The following EFS variants were observed in gnomAD, a reference collection of about 807,000 sequenced individuals.
EFS encodes the protein Cas scaffolding protein family member 3.
Under a neutral mutation model 42.2 loss-of-function variants are expected in EFS, and 34 were observed. The observed-to-expected ratio is 0.81, with a 90% CI of 0.61 to 1.07. The LOEUF (loss-of-function observed/expected upper bound fraction) is 1.07, where lower values mean the gene tolerates loss of function less well. Among genes scored for constraint, EFS ranks in the 50% least tolerant of loss-of-function variants. The pLI is 0.00. For synonymous variants in EFS, 299 were observed against 320.7 expected (o/e 0.93, Z 0.72); for missense variants, 717 against 729.4 (o/e 0.98, Z 0.20).
chr14:23,364,535 T>C (rs1199275595), intron 1 of EFS, among the ~76,000 whole-genome samples: 2 of 152,170 alleles, frequency 1.3e-5, no homozygotes, highest in Non-Finnish European at 2.9e-5. Flanking sequence ...TCCTTTGCTC[T>C]ATCTCCCTTT....
chr14:23,357,565 G>A lies in EFS; in HGVS notation c.1347C>T (p.Ala449=), dbSNP rs1263327986. ...TCAGGGCTGCCACGGCTGCCTGCAG[G>A]GCTGAGTAGTGGCTCTGGCATTGCC... ...YAGQCQSHYS[A]LQAAVAALMS... is the part of the protein sequence containing the mutation. Residue 449 remains alanine, a synonymous_variant, in exon 6 of 6, where the codon GCC becomes GCT. Coordinates refer to ENST00000216733, the MANE Select transcript of EFS (RefSeq NM_005864.4). 1.9e-6 allele frequency: 3 copies of A among 1,609,964 alleles called. No individual in the cohort carries two copies. In the African/African-American group the frequency reaches 4.0e-5, roughly 21 times the overall value.
At chr14:23,361,950 G>A (rs922200470) in intron 1 of EFS, among the ~76,000 whole-genome samples, 2 of 152,224 alleles carry the variant, frequency 1.3e-5, no homozygotes, top group Non-Finnish European at 2.9e-5. Context: ...ACCCTAAGCT[G>A]CTTGATCCCA....
rs2231802 is a variant in EFS, at chr14:23,360,156, G to A, written c.423C>T (p.Pro141=). ...TAGCCCTCACCTCCAAGGCATCTCTGGGAGCAGCCAGCTGGGTCCCACTAG... is the reference window on the plus strand; with the variant it reads ...TAGCCCTCACCTCCAAGGCATCTCTAGGAGCAGCCAGCTGGGTCCCACTAG... ...PRASGTQLAA[P]RDALEVYDVP... The change falls in exon 3 of 6, where the codon CCC becomes CCT. Residue 141 remains proline, a synonymous_variant. Coordinates refer to ENST00000216733, the MANE Select transcript of EFS (RefSeq NM_005864.4). 12,735 of 1,614,182 alleles carry A rather than the reference G, an allele frequency of 7.9e-3. 67 individuals are homozygous for A. Among genetic ancestry groups the A allele is most frequent in the Middle Eastern group, 0.012 (70 of 6,062 alleles).
chr14:23,359,495 C>T lies in EFS; in HGVS notation c.983G>A (p.Arg328Gln), dbSNP rs113470967. The change falls in exon 4 of 6, where the codon CGG (arginine) becomes CAG (glutamine). Residue 328 changes from arginine to glutamine, a missense_variant. By Grantham distance (43) the Arg-to-Gln change is conservative. Transcript: ENST00000216733. ...PSPVPSPAPG[R>Q]KGSIQDRPLP... ...AGGCCGGTCCTGGATGCTGCCCTTC[C>T]GGCCTGGGGCAGGAGAGGGCACTGG... 8.5e-5 allele frequency: 128 copies of T among 1,500,942 alleles called. 1 individual carries two copies. Among genetic ancestry groups the T allele is most frequent in the Non-Finnish European group, 9.5e-5 (106 of 1,120,826 alleles). The allele number at this position is 1,500,942 out of a possible 1,614,324, so 93.0% of individuals were successfully genotyped here. A position where few individuals can be genotyped will look rare whatever the true frequency, so the allele number is the denominator to read the frequency against.
Position 23,356,510 on chromosome 14 carries a change from G to C in EFS, c.*716C>G, listed in dbSNP as rs908149421. 1 of 152,192 alleles carries C rather than the reference G, an allele frequency of 6.6e-6. No individual in the cohort carries two copies. The highest frequency in any genetic ancestry group is 1.5e-5 in the Non-Finnish European group (1 of 68,050). 9.4% of individuals were successfully genotyped at this position (152,192 alleles called of 1,614,324 possible). On this transcript the variant is annotated 3_prime_UTR_variant, in exon 6 of 6. Coordinates refer to ENST00000216733, the MANE Select transcript of EFS (RefSeq NM_005864.4). ...GCAGAACTGTGCCTGGCGCGTCATG[G>C]GAGCAGAGAACTTGTCCAGTGAATA...
intron 1 of EFS, among the ~76,000 whole-genome samples, chr14:23,363,058 C>T (rs1358828388): frequency 2.6e-5 from 4 of 151,960 alleles, no homozygotes; most frequent in South Asian, 2.1e-4. Flanking sequence ...GGACTACAGG[C>T]GCCCACCACC....
At chr14:23,362,749 T>C (rs1320568286) in intron 1 of EFS, among the ~76,000 whole-genome samples, 1 of 152,150 alleles carries the variant, frequency 6.6e-6, no homozygotes, top group East Asian at 1.9e-4. Context: ...AAATTTTATT[T>C]AAAATATTTC....
chr14:23,364,084 C>T (rs531859758), intron 1 of EFS, among the ~76,000 whole-genome samples: 3 of 152,126 alleles, frequency 2.0e-5, no homozygotes, highest in African/African-American at 7.2e-5. Context: ...AAGCAGGTGA[C>T]GGCCTCGCTT....
chr14:23,364,879 G>A (rs1890269906), intron 1 of EFS, 129 bp downstream of exon 1: 1 of 828,092 alleles, frequency 1.2e-6, no homozygotes. Context: ...GAGAGGAGGG[G>A]GACACAGCCT....
In EFS at chr14:23,359,642, G is replaced by A. The variant is rs371650790; in HGVS notation, c.836C>T (p.Thr279Ile). Residue 279 changes from threonine (T) to isoleucine (I), a missense_variant, in exon 4 of 6, where the codon ACC becomes ATC. Physicochemically the swap from Thr to Ile is moderately conservative, Grantham distance 89. Transcript: ENST00000216733. ...PGALASHDQD[T>I]LAQLLARSPP... ...GCTTCTGGCCAGAAGCTGGGCCAGG[G>A]TGTCCTGGTCATGGGAGGCCAAGGC... is the stretch of plus-strand genomic sequence containing the variant. 33 of 1,508,736 alleles carry A rather than the reference G, an allele frequency of 2.2e-5. No individual in the cohort carries two copies. Among genetic ancestry groups the A allele is most frequent in the Non-Finnish European group, 2.7e-5 (30 of 1,131,386 alleles). 93.5% of individuals were successfully genotyped at this position (1,508,736 alleles called of 1,614,324 possible).
chr14:23,365,007 C>T lies in EFS; in HGVS notation c.18+1G>A. 1 of 1,337,388 alleles carries T rather than the reference C, an allele frequency of 7.5e-7. No homozygotes were observed. Among genetic ancestry groups the T allele is most frequent in the Non-Finnish European group, 9.7e-7 (1 of 1,033,776 alleles). The allele number at this position is 1,337,388 out of a possible 1,614,324, so 82.8% of individuals were successfully genotyped here. On this transcript the variant is annotated splice_donor_variant, in intron 1 of 5. Coordinates refer to ENST00000216733, the MANE Select transcript of EFS (RefSeq NM_005864.4). LOFTEE classifies it high-confidence loss of function. The surrounding 1 kb of genome is among the most constrained non-coding windows in gnomAD (Gnocchi z 5.3). Reference sequence around the variant, plus strand: ...CAGCCTCCACTCCCTGGTGGACTCACCGACGTGGCAATGGCCATGGCTTTG... The same window carrying T: ...CAGCCTCCACTCCCTGGTGGACTCATCGACGTGGCAATGGCCATGGCTTTG...
Position 23,360,039 on chromosome 14 carries a change from C to T in EFS, c.439G>A (p.Val147Ile). The T allele has an allele frequency of 1.9e-6, 3 of 1,613,136 alleles. No individual in the cohort carries two copies. Among genetic ancestry groups the T allele is most frequent in the Non-Finnish European group, 2.5e-6 (3 of 1,179,696 alleles). Reference protein sequence around the residue: ...QLAAPRDALEVYDVPPTALRV... With the variant: ...QLAAPRDALEIYDVPPTALRV... Reference sequence around the variant, plus strand: ...AGGGCGGTGGGGGGCACATCGTAGACCTGCGGAAAGGAGTGGTCAGTCATC... The same window carrying T: ...AGGGCGGTGGGGGGCACATCGTAGATCTGCGGAAAGGAGTGGTCAGTCATC... Residue 147 changes from valine (V) to isoleucine (I), a missense_variant and splice_region_variant, in exon 4 of 6, where the codon GTC (valine) becomes ATC (isoleucine). Val to Ile is a conservative substitution (Grantham distance 29). Coordinates refer to ENST00000216733, the MANE Select transcript of EFS (RefSeq NM_005864.4).
rs762807885 is a variant in EFS, at chr14:23,359,311, G to T, written c.1161+6C>A. ...CCTCCTGGTGGGGCTGCCAAGGGGC[G>T]CTCACCTTCAGGTGGACATAGTCAT... On this transcript the variant is annotated splice_donor_region_variant and intron_variant, in intron 4 of 5. Transcript: ENST00000216733. The T allele has an allele frequency of 1.2e-6, 2 of 1,612,586 alleles. No homozygotes were observed. The highest frequency in any genetic ancestry group is 2.2e-5 in the South Asian group (2 of 91,034).
Position 23,360,050 on chromosome 14 carries a change from G to C in EFS, c.439-11C>G, listed in dbSNP as rs754542665. The C allele has an allele frequency of 1.2e-6, 2 of 1,613,742 alleles. No individual in the cohort carries two copies. The highest frequency in any genetic ancestry group is 1.6e-4 in the Middle Eastern group (1 of 6,062). On this transcript the variant is annotated splice_polypyrimidine_tract_variant and intron_variant, in intron 3 of 5. Transcript: ENST00000216733. ...GGGCACATCGTAGACCTGCGGAAAG[G>C]AGTGGTCAGTCATCTGTCAGCTCAG...
rs913063147 is a variant in EFS, at chr14:23,357,049, A to G, written c.*177T>C. On this transcript the variant is annotated 3_prime_UTR_variant, in exon 6 of 6. Coordinates refer to ENST00000216733, the MANE Select transcript of EFS (RefSeq NM_005864.4). ...ATTTACACAAAATGGCTTGTACAAA[A>G]AGCTGTAGGTTAGGGGGAGAAGACA... The G allele has an allele frequency of 4.2e-6, 2 of 470,828 alleles. No individual in the cohort carries two copies. Among genetic ancestry groups the G allele is most frequent in the Non-Finnish European group, 7.2e-6 (2 of 276,686 alleles). 29.2% of individuals were successfully genotyped at this position (470,828 alleles called of 1,614,324 possible).
rs1889959203 is a variant in EFS at position 23,357,457 on chromosome 14, C to T, written c.1455G>A (p.Val485=). ...KRVVVAAHRL[V]FVGDTLGRLA... ...GCCGGCCCAGGGTGTCCCCAACAAA[C>T]ACCAGGCGATGAGCAGCCACCACCA... The change falls in exon 6 of 6, where the codon GTG becomes GTA. Residue 485 remains valine, a synonymous_variant. Coordinates refer to ENST00000216733, the MANE Select transcript of EFS (RefSeq NM_005864.4). 3.7e-6 allele frequency: 6 copies of T among 1,613,922 alleles called. No homozygotes were observed. The highest frequency in any genetic ancestry group is 2.2e-5 in the East Asian group (1 of 44,882).
At chr14:23,364,176 C>G (rs1201621053) in intron 1 of EFS, among the ~76,000 whole-genome samples, 1 of 152,180 alleles carries the variant, frequency 6.6e-6, no homozygotes, top group Non-Finnish European at 1.5e-5. Flanking sequence ...GACTGTAGAA[C>G]AGAAAGCAGA....
At chr14:23,361,662 A>G (rs1197952720) in intron 1 of EFS, among the ~76,000 whole-genome samples, 2 of 152,130 alleles carry the variant, frequency 1.3e-5, no homozygotes, top group Admixed American at 1.3e-4. Flanking sequence ...AAAAGGAAAC[A>G]TGTATCATTC....
chr14:23,363,933 CAAA>C (rs142088064), intron 1 of EFS, among the ~76,000 whole-genome samples: 7 of 116,690 alleles, frequency 6.0e-5, no homozygotes, highest in African/African-American at 6.1e-5. Context: ...GACCTTGTCT[CAAA>C]AAAAAAAAAA....
Sources: allele counts gnomAD v4.1 joint callset (sites outside exome capture counted in the v4.1 genomes callset), GRCh38; gene constraint gnomAD v4.1.1; non-coding constraint Gnocchi (gnomAD v3.1); transcripts MANE v1.5; gene names NCBI Gene and HGNC (gene_info 2026-07-23, HGNC 2026-07-21).